The following MAJIN variants were observed in gnomAD, a reference collection of about 807,000 sequenced individuals.
MAJIN encodes membrane-anchored junction protein.
In MAJIN, 27 loss-of-function variants were observed where a neutral mutation model predicts 30.2. The ratio of observed to expected loss-of-function variants is 0.89; its 90% CI spans 0.66 to 1.23. The LOEUF (loss-of-function observed/expected upper bound fraction) is 1.23, where lower values mean the gene tolerates loss of function less well. Among genes scored for constraint, MAJIN ranks in the 50% most tolerant of loss-of-function variants. The pLI, the probability that MAJIN is intolerant of heterozygous loss-of-function variation, is 0.00. For synonymous variants in MAJIN, 78 were observed against 91.6 expected (o/e 0.85, Z 0.85); for missense variants, 253 against 260.3 (o/e 0.97, Z 0.19).
chr11:64,940,577 G>A lies in MAJIN; in HGVS notation c.543C>T (p.Asn181=), dbSNP rs1209238969. ...LWPLISLMSR[N]KILSGDTACQ... ...ATGGAAATTTCCCAGGACCTACCTT[G>A]TTTCTGGACATCAGTGATATCAGAG... is the stretch of plus-strand genomic sequence containing the variant. The change falls in exon 9 of 11, where the codon AAC becomes AAT. Residue 181 remains asparagine (N), a synonymous_variant. Coordinates refer to ENST00000301896, the MANE Select transcript of MAJIN (RefSeq NM_001037225.3). 1 of 1,613,460 alleles carries A rather than the reference G, an allele frequency of 6.2e-7. No individual in the cohort carries two copies. Among genetic ancestry groups the A allele is most frequent in the Non-Finnish European group, 8.5e-7 (1 of 1,179,408 alleles).
At chr11:64,939,809 T>C (rs924754117) in intron 9 of MAJIN, 42 bp from the exon 10 acceptor site, 1 of 1,588,380 alleles carries the variant, frequency 6.3e-7, no homozygotes, top group Non-Finnish European at 8.6e-7. Flanking sequence ...TGTTTGTCCA[T>C]AGGCCGTTTT....
chr11:64,963,020 G>A (rs980602297), intron 1 of MAJIN, among the ~76,000 whole-genome samples: 6 of 152,076 alleles, frequency 3.9e-5, no homozygotes, highest in East Asian at 1.9e-4. Context: ...CCAGCTACTC[G>A]GGAGGCTAAA....
Position 64,971,965 on chromosome 11 carries a change from G to T in MAJIN, c.-153C>A. 6.6e-6 allele frequency: 1 copy of T among 152,334 alleles called. No individual in the cohort carries two copies. 9.4% of individuals were successfully genotyped at this position (152,334 alleles called of 1,614,324 possible). A position where few individuals can be genotyped will look rare whatever the true frequency, so the allele number is the denominator to read the frequency against. On this transcript the variant is annotated 5_prime_UTR_variant, in exon 1 of 11. Transcript: ENST00000301896. ...CGGCCTCAGAAAAGTGGCCCCGGAC[G>T]GAATACCCACTAAGAAGTGCTCTCT...
chr11:64,963,447 T>G (rs1213056798), intron 1 of MAJIN, among the ~76,000 whole-genome samples: 1 of 152,240 alleles, frequency 6.6e-6, no homozygotes, highest in Non-Finnish European at 1.5e-5. Context: ...AAGGAGCTTA[T>G]GATTTAGCAC....
intron 3 of MAJIN, among the ~76,000 whole-genome samples, chr11:64,958,418 C>A (rs1014754059): frequency 6.6e-6 from 1 of 151,626 alleles, no homozygotes; most frequent in Admixed American, 6.6e-5. Context: ...GAGTTTGAGA[C>A]CAGCCTGAGC....
intron 1 of MAJIN, among the ~76,000 whole-genome samples, chr11:64,967,067 C>T (rs1043948839): frequency 2.6e-5 from 4 of 151,164 alleles, no homozygotes; most frequent in South Asian, 2.1e-4. Flanking sequence ...CCCAGGAGTT[C>T]GAGACCAGCC....
At chr11:64,951,715 T>C (rs867689582) in intron 4 of MAJIN, among the ~76,000 whole-genome samples, 1 of 144,170 alleles carries the variant, frequency 6.9e-6, no homozygotes, top group Non-Finnish European at 1.5e-5. Flanking sequence ...CAGTGAGCTA[T>C]GATTGCATCA....
intron 1 of MAJIN, among the ~76,000 whole-genome samples, chr11:64,968,655 C>A (rs1357469998): frequency 1.3e-5 from 2 of 151,532 alleles, no homozygotes; most frequent in East Asian, 2.0e-4. Context: ...AATGGTGAAA[C>A]CCCATCTCTA....
At chr11:64,964,842 T>C (rs975851375) in intron 1 of MAJIN, among the ~76,000 whole-genome samples, 3 of 152,092 alleles carry the variant, frequency 2.0e-5, no homozygotes, top group Non-Finnish European at 4.4e-5. Context: ...CACCTTGCCC[T>C]CCCAAAGTGC....
intron 1 of MAJIN, among the ~76,000 whole-genome samples, chr11:64,969,966 A>G (rs1945872181): frequency 6.6e-6 from 1 of 152,132 alleles, no homozygotes; most frequent in Admixed American, 6.6e-5. Context: ...GAGATGCTGA[A>G]GTTTGAGATG....
At chr11:64,951,764 CAAAAA>C (rs11329539) in intron 4 of MAJIN, among the ~76,000 whole-genome samples, 16 of 95,894 alleles carry the variant, frequency 1.7e-4, no homozygotes, top group African/African-American at 3.9e-4. Flanking sequence ...AACCTTGTCT[CAAAAA>C]AAAAAAAAAA....
At chr11:64,961,064 G>A (rs1379902788) in intron 1 of MAJIN, among the ~76,000 whole-genome samples, 1 of 152,190 alleles carries the variant, frequency 6.6e-6, no homozygotes, top group Non-Finnish European at 1.5e-5. Context: ...ATGTTTTAGT[G>A]CTAGATGACT....
intron 8 of MAJIN, chr11:64,946,071 G>T: frequency 6.6e-7 from 1 of 1,525,744 alleles, no homozygotes; most frequent in Non-Finnish European, 8.8e-7. Flanking sequence ...TAGTACTAAG[G>T]CTCCATTTTA....
intron 1 of MAJIN, among the ~76,000 whole-genome samples, chr11:64,967,167 G>T (rs1197560021): frequency 6.6e-6 from 1 of 151,962 alleles, no homozygotes; most frequent in Non-Finnish European, 1.5e-5. Flanking sequence ...CAGCACTTTG[G>T]GAGGCTGAGT....
chr11:64,941,118 G>A (rs1478877049), intron 8 of MAJIN, among the ~76,000 whole-genome samples: 1 of 151,974 alleles, frequency 6.6e-6, no homozygotes. Context: ...AATTATAGGC[G>A]TGAGCCACCG....
intron 8 of MAJIN, among the ~76,000 whole-genome samples, chr11:64,942,702 G>T (rs951350058): frequency 5.3e-5 from 8 of 152,198 alleles, no homozygotes; most frequent in Non-Finnish European, 1.5e-5. Flanking sequence ...AGCCACCGAA[G>T]TCATATTCCT....
intron 1 of MAJIN, among the ~76,000 whole-genome samples, chr11:64,961,201 T>A (rs1945716782): frequency 6.6e-6 from 1 of 151,470 alleles, no homozygotes; most frequent in Admixed American, 6.6e-5. Flanking sequence ...AGGGTCTCAC[T>A]CTGTCACCCA....
At chr11:64,940,689 A>T (rs1222296005) in intron 8 of MAJIN, 43 bp from the exon 9 acceptor site, 3 of 1,552,104 alleles carry the variant, frequency 1.9e-6, no homozygotes. Context: ...CTTTCCTCCT[A>T]CACTGCATGG....
intron 1 of MAJIN, among the ~76,000 whole-genome samples, chr11:64,970,502 G>C: frequency 6.7e-6 from 1 of 149,804 alleles, no homozygotes; most frequent in Admixed American, 6.6e-5. Flanking sequence ...AAGTAGCTGG[G>C]ACTACAGGAG....
Sources: gnomAD v4.1 joint callset for allele counts (sites outside exome capture counted in the v4.1 genomes callset) on GRCh38, gnomAD v4.1.1 for gene constraint, MANE v1.5 for transcripts, NCBI Gene and HGNC (gene_info 2026-07-23, HGNC 2026-07-21) for gene names.